Variants in COL5A2 observed in about 807,000 individuals in gnomAD.
COL5A2 encodes the protein collagen alpha-2(V) chain.
In COL5A2, 23 loss-of-function variants were observed where a neutral mutation model predicts 208.2. That is an observed-to-expected ratio of 0.11 (90% CI 0.08 to 0.16). COL5A2 has a LOEUF of 0.16. Ranked by LOEUF, COL5A2 falls within the 10% of genes least tolerant of loss-of-function variation. The pLI is 1.00. For missense variants in COL5A2, 1,590 were observed against 1,956.4 expected, an observed-to-expected ratio of 0.81 and a Z score of 3.53; for synonymous variants, 625 against 628.5, an observed-to-expected ratio of 0.99 and a Z score of 0.08.
chr2:189,148,290 T>A (rs1250633983), intron 1 of COL5A2, among the ~76,000 whole-genome samples: 1 of 152,136 alleles, frequency 6.6e-6, no homozygotes, highest in Non-Finnish European at 1.5e-5. Context: ...TATAGTAGTA[T>A]CTGACACTTA....
intron 12 of COL5A2, among the ~76,000 whole-genome samples, chr2:189,082,458 T>C (rs1686555760): frequency 6.6e-6 from 1 of 152,222 alleles, no homozygotes; most frequent in Non-Finnish European, 1.5e-5. Context: ...TTCAACTTAA[T>C]GCCTCATTTT....
At chr2:189,153,410 C>T (rs1688183869) in intron 1 of COL5A2, among the ~76,000 whole-genome samples, 1 of 152,160 alleles carries the variant, frequency 6.6e-6, no homozygotes, top group African/African-American at 2.4e-5. Flanking sequence ...TCAAGACCAT[C>T]CTGGTAGTCA....
chr2:189,262,514 C>T, the COL5A2 span, among the ~76,000 whole-genome samples: 5 of 152,020 alleles, frequency 3.3e-5, no homozygotes, highest in East Asian at 1.9e-4. Flanking sequence ...CGAAGAGAAA[C>T]AGCATTTATG....
At chr2:189,248,228 A>T in the COL5A2 span, among the ~76,000 whole-genome samples, 2 of 152,254 alleles carry the variant, frequency 1.3e-5, no homozygotes, top group African/African-American at 4.8e-5. Context: ...ATACAGCTGC[A>T]TATTTCATAA....
upstream of COL5A2, among the ~76,000 whole-genome samples, chr2:189,230,113 G>A (rs1298102496): frequency 6.6e-6 from 1 of 151,726 alleles, no homozygotes; most frequent in African/African-American, 2.4e-5. Context: ...AAGTTATGTT[G>A]AAAAAACTGG....
At chr2:189,328,259 C>T in the COL5A2 span, among the ~76,000 whole-genome samples, 1 of 152,196 alleles carries the variant, frequency 6.6e-6, no homozygotes, top group Non-Finnish European at 1.5e-5. Flanking sequence ...ATGAGCAAAC[C>T]ACTTAACCAA....
intron 35 of COL5A2, among the ~76,000 whole-genome samples, chr2:189,056,367 C>T (rs544939863): frequency 6.6e-6 from 1 of 152,256 alleles, no homozygotes; most frequent in South Asian, 2.1e-4. Flanking sequence ...AATATATTGT[C>T]CTTCGAGTCT....
At chr2:189,044,945 C>A (rs556620540) in intron 47 of COL5A2, among the ~76,000 whole-genome samples, 3 of 152,116 alleles carry the variant, frequency 2.0e-5, no homozygotes, top group South Asian at 4.2e-4. Flanking sequence ...ACTTTAAAAA[C>A]CTCCATGATT....
chr2:189,188,278 T>C (rs1688880122), intron 1 of COL5A2, among the ~76,000 whole-genome samples: 1 of 152,174 alleles, frequency 6.6e-6, no homozygotes, highest in Non-Finnish European at 1.5e-5. Context: ...CCTGGCACCA[T>C]TGAACTGTTT....
intron 1 of COL5A2, among the ~76,000 whole-genome samples, chr2:189,134,521 G>A (rs13029705): frequency 0.53 from 80,807 of 151,722 alleles, 25,028 homozygotes; most frequent in East Asian, 0.72. Context: ...CTCGGATGGC[G>A]GAGGTTGCAG....
intron 1 of COL5A2, among the ~76,000 whole-genome samples, chr2:189,201,856 T>C (rs1007698225): frequency 6.6e-6 from 1 of 151,726 alleles, no homozygotes; most frequent in Non-Finnish European, 1.5e-5. Flanking sequence ...GGAAAAGACA[T>C]CTGAGGTACA....
At chr2:189,364,804 C>A in the COL5A2 span, among the ~76,000 whole-genome samples, 1 of 152,134 alleles carries the variant, frequency 6.6e-6, no homozygotes, top group South Asian at 2.1e-4. Flanking sequence ...AAACTGCCAA[C>A]GTCATCAAAA....
intron 32 of COL5A2, 64 bp downstream of exon 32, chr2:189,058,785 A>T: frequency 7.0e-7 from 1 of 1,438,444 alleles, no homozygotes; most frequent in Non-Finnish European, 9.7e-7. Context: ...AAGATTTTAA[A>T]AGACACCTTT....
At position 189,142,367 on chromosome 2, in the gene COL5A2, A is replaced by T. The variant is rs186583330; in HGVS notation, c.98-31918T>A. ...CAGCCAACTAGCTCACCATAATTAT[A>T]AATTTTTTATATCTGTGCATATCAT... On this transcript the variant is annotated intron_variant, in intron 1 of 53. Coordinates refer to ENST00000374866, the MANE Select transcript of COL5A2 (RefSeq NM_000393.5). 2.5e-4 allele frequency among the ~76,000 whole-genome samples: 38 copies of T among 152,168 alleles called. 1 individual carries two copies. Among genetic ancestry groups the T allele is most frequent in the Admixed American group, 1.8e-3 (28 of 15,278 alleles).
chr2:189,310,622 C>T, the COL5A2 span, among the ~76,000 whole-genome samples: 5 of 152,170 alleles, frequency 3.3e-5, no homozygotes, highest in Non-Finnish European at 5.9e-5. Context: ...GATAACTGCA[C>T]TCCTGTGTTT....
At chr2:189,384,321 A>G in the COL5A2 span, among the ~76,000 whole-genome samples, 2 of 152,052 alleles carry the variant, frequency 1.3e-5, no homozygotes, top group Non-Finnish European at 2.9e-5. Context: ...ATTTTTTTAG[A>G]AACCTCCATA....
chr2:189,411,900 G>A, the COL5A2 span, among the ~76,000 whole-genome samples: 2 of 152,126 alleles, frequency 1.3e-5, no homozygotes, highest in East Asian at 3.9e-4. Flanking sequence ...GGAATGAATT[G>A]CTACATACTA....
At chr2:189,357,209 G>C in the COL5A2 span, among the ~76,000 whole-genome samples, 11 of 152,186 alleles carry the variant, frequency 7.2e-5, no homozygotes, top group Non-Finnish European at 1.3e-4. Context: ...GATACACAGA[G>C]GTCAGGGGCC....
intron 1 of COL5A2, among the ~76,000 whole-genome samples, chr2:189,135,112 A>G (rs551083740): frequency 5.9e-5 from 9 of 152,262 alleles, no homozygotes; most frequent in African/African-American, 1.9e-4. Flanking sequence ...TTCTATTCCT[A>G]TTTTCCATTT....
Sources: gnomAD v4.1 joint callset for allele counts (sites outside exome capture counted in the v4.1 genomes callset) on GRCh38, gnomAD v4.1.1 for gene constraint, MANE v1.5 for transcripts, NCBI Gene and HGNC (gene_info 2026-07-23, HGNC 2026-07-21) for gene names.